The following AP2A2 variants were observed in gnomAD, a reference collection of about 807,000 sequenced individuals.
AP2A2 encodes adaptor related protein complex 2 subunit alpha 2, also known as AP-2 complex subunit alpha-2.
Under a neutral mutation model 104.2 loss-of-function variants are expected in AP2A2, and 32 were observed. The observed-to-expected ratio is 0.31, with a 90% CI of 0.23 to 0.41. AP2A2 has a LOEUF of 0.41. Ranked by LOEUF, AP2A2 falls within the 10% of genes least tolerant of loss-of-function variation. The pLI is 1.00. For synonymous variants in AP2A2, 539 were observed against 533.3 expected (o/e 1.01, Z -0.15); for missense variants, 912 against 1,261.0 (o/e 0.72, Z 4.19).
intron 4 of AP2A2, among the ~76,000 whole-genome samples, chr11:973,355 C>G (rs1055254577): frequency 2.0e-5 from 3 of 152,156 alleles, no homozygotes; most frequent in Non-Finnish European, 4.4e-5. Flanking sequence ...AATGAGGCAG[C>G]CTTCTATCAG....
At chr11:988,421 C>T in intron 9 of AP2A2, 131 bp from the exon 10 acceptor site, 1 of 1,230,042 alleles carries the variant, frequency 8.1e-7, no homozygotes, top group South Asian at 1.3e-5. Flanking sequence ...AGGTCGGCTC[C>T]CTGGACCTGG....
intron 1 of AP2A2, among the ~76,000 whole-genome samples, chr11:938,796 G>A (rs1853550717): frequency 1.3e-5 from 2 of 152,078 alleles, no homozygotes; most frequent in South Asian, 4.1e-4. Flanking sequence ...TGTTTTTACA[G>A]ACTCCTTCTG....
In AP2A2 at chr11:962,647, C is replaced by T. The variant is rs139809020; in HGVS notation, c.136+3142C>T. 9.1e-3 allele frequency among the ~76,000 whole-genome samples: 1,387 copies of T among 152,156 alleles called. 23 individuals carry two copies. Among genetic ancestry groups the T allele is most frequent in the African/African-American group, 0.032 (1,316 of 41,490 alleles). On this transcript the variant is annotated intron_variant, in intron 2 of 21. Transcript: ENST00000448903. Reference sequence around the variant, plus strand: ...ACTTGGGAGGCTGAGTCAGGAGAATCGCTTGAACTGGGAAGGCGGAGGTTG... The same window carrying T: ...ACTTGGGAGGCTGAGTCAGGAGAATTGCTTGAACTGGGAAGGCGGAGGTTG...
At chr11:985,871 CAG>C in intron 8 of AP2A2, among the ~76,000 whole-genome samples, 1 of 152,364 alleles carries the variant, frequency 6.6e-6, no homozygotes, top group Middle Eastern at 3.4e-3. Flanking sequence ...TGTAGTGGAA[CAG>C]AGAGGAGACG....
At chr11:926,440 C>G (rs1264434424) in intron 1 of AP2A2, among the ~76,000 whole-genome samples, 4 of 151,828 alleles carry the variant, frequency 2.6e-5, no homozygotes, top group African/African-American at 9.7e-5. Flanking sequence ...GGGCACGGCC[C>G]TTCATCCACA....
intron 1 of AP2A2, among the ~76,000 whole-genome samples, chr11:928,533 G>A (rs570116973): frequency 6.6e-6 from 1 of 152,312 alleles, no homozygotes; most frequent in African/African-American, 2.4e-5. Context: ...TGACATTTGG[G>A]GCTGGATCAC....
intron 1 of AP2A2, among the ~76,000 whole-genome samples, chr11:929,219 C>G (rs968667537): frequency 6.6e-6 from 1 of 152,212 alleles, no homozygotes; most frequent in African/African-American, 2.4e-5. Flanking sequence ...GAGGGGTCCC[C>G]GCTTCCCCTT....
At chr11:997,797 C>T (rs541366996) in intron 14 of AP2A2, among the ~76,000 whole-genome samples, 68 of 152,218 alleles carry the variant, frequency 4.5e-4, no homozygotes, top group Non-Finnish European at 8.4e-4. Flanking sequence ...CCCAGCTGCT[C>T]GGGAAGCTGA....
At position 994,193 on chromosome 11, in the gene AP2A2, G is replaced by C; in HGVS notation, c.1904G>C (p.Ser635Thr). 5 of 1,613,012 alleles carry C rather than the reference G, an allele frequency of 3.1e-6. No homozygotes were observed. Residue 635 changes from serine to threonine, a missense_variant, in exon 14 of 22, where the codon AGT becomes ACT. Coordinates refer to ENST00000448903, the MANE Select transcript of AP2A2 (RefSeq NM_012305.4). The stretch of plus-strand genomic sequence containing the variant: ...CTGGAGGACACCAAGCGGGACAGGA[G>C]TGTGGACGTGAACGGGGGTCCTGAG... Reference protein sequence around the residue: ...TDLEDTKRDRSVDVNGGPEPA... With the variant: ...TDLEDTKRDRTVDVNGGPEPA...
intron 1 of AP2A2, among the ~76,000 whole-genome samples, chr11:958,680 C>G (rs1356069886): frequency 2.0e-5 from 3 of 152,096 alleles, no homozygotes; most frequent in African/African-American, 7.2e-5. Flanking sequence ...TAGTACCTAA[C>G]CATATTTGCT....
chr11:977,407 C>T (rs951231123), intron 5 of AP2A2, among the ~76,000 whole-genome samples, 183 bp downstream of exon 5: 5 of 151,692 alleles, frequency 3.3e-5, no homozygotes, highest in Non-Finnish European at 7.4e-5. Context: ...TCCGCCTCTG[C>T]TCATCCTGTG....
chr11:974,497 A>G (rs1164061324), intron 4 of AP2A2, among the ~76,000 whole-genome samples: 2 of 152,170 alleles, frequency 1.3e-5, no homozygotes, highest in Non-Finnish European at 2.9e-5. Context: ...CCCGGCCAAC[A>G]TGGCGAAACC....
At chr11:934,076 G>A (rs1276143764) in intron 1 of AP2A2, among the ~76,000 whole-genome samples, 1 of 151,898 alleles carries the variant, frequency 6.6e-6, no homozygotes, top group Non-Finnish European at 1.5e-5. Flanking sequence ...TGTCCCTGAG[G>A]CCAGGGAAGT....
intron 18 of AP2A2, 46 bp from the exon 19 acceptor site, chr11:1,009,054 A>C (rs1856309364): frequency 6.7e-7 from 1 of 1,489,558 alleles, no homozygotes; most frequent in Non-Finnish European, 9.3e-7. Context: ...TGGGGCTCTC[A>C]GAGGAGTAGC....
chr11:950,371 T>A (rs1854012192), intron 1 of AP2A2, among the ~76,000 whole-genome samples: 1 of 150,988 alleles, frequency 6.6e-6, no homozygotes, highest in South Asian at 2.1e-4. Context: ...TGCAGTGGCG[T>A]GATCTTGTTT....
chr11:1,009,632 G>C, intron 20 of AP2A2, 51 bp from the exon 21 acceptor site: 1 of 1,464,274 alleles, frequency 6.8e-7, no homozygotes. Context: ...CGGGGGACAC[G>C]CTGCCCGCGA....
At chr11:995,656 C>T (rs943149153) in intron 14 of AP2A2, among the ~76,000 whole-genome samples, 2 of 147,398 alleles carry the variant, frequency 1.4e-5, no homozygotes, top group African/African-American at 5.0e-5. Flanking sequence ...GTGTCCTGCC[C>T]CTCTGGCCGA....
At chr11:955,359 G>T (rs1295482286) in intron 1 of AP2A2, among the ~76,000 whole-genome samples, 1 of 152,244 alleles carries the variant, frequency 6.6e-6, no homozygotes, top group Non-Finnish European at 1.5e-5. Context: ...CAAAAAACCT[G>T]CCATCCTGGG....
intron 2 of AP2A2, among the ~76,000 whole-genome samples, chr11:964,610 C>T (rs1003359092): frequency 6.6e-6 from 1 of 152,140 alleles, no homozygotes; most frequent in Non-Finnish European, 1.5e-5. Context: ...TGGAGTGCTA[C>T]CACCCTGCTA....
Sources: allele counts gnomAD v4.1 joint callset (sites outside exome capture counted in the v4.1 genomes callset), GRCh38; gene constraint gnomAD v4.1.1; transcripts MANE v1.5; gene names NCBI Gene and HGNC (gene_info 2026-07-23, HGNC 2026-07-21).